SIGLEC1: variants seen among roughly 807,000 people sequenced by gnomAD.
SIGLEC1 encodes the protein sialic acid binding Ig like lectin 1, also known as sialoadhesin.
A neutral mutation model predicts 148.0 loss-of-function variants in SIGLEC1; 132 were observed. That is an observed-to-expected ratio of 0.89 (90% CI 0.77 to 1.03). The LOEUF is 1.03. SIGLEC1 is among the 50% of genes least tolerant of loss of function. The pLI is 0.00. For missense variants in SIGLEC1, 2,253 were observed against 2,271.4 expected (o/e 0.99, Z 0.16); for synonymous variants, 945 against 969.0 (o/e 0.98, Z 0.46).
rs2088777756 is a variant in SIGLEC1 at position 3,692,727 on chromosome 20, G to A, written c.3824C>T (p.Ala1275Val). The change falls in exon 16 of 22, where the codon GCC (alanine) becomes GTC (valine). Residue 1275 changes from alanine (A) to valine (V), a missense_variant. Physicochemically the swap from Ala to Val is moderately conservative, Grantham distance 64 (BLOSUM62 0). Transcript: ENST00000344754. The part of the protein sequence containing the change: ...LAPEAAVPEG[A>V]PITVTCADPA... ...GTCCGCACAGGTCACTGTGATGGGG[G>A]CACCTTCAGGCACGGCAGCCTCCGG... 6.2e-7 allele frequency: 1 copy of A among 1,612,072 alleles called. No homozygotes were observed. Among genetic ancestry groups the A allele is most frequent in the South Asian group, 1.1e-5 (1 of 91,074 alleles).
chr20:3,690,556 G>A (rs547895103), intron 18 of SIGLEC1, among the ~76,000 whole-genome samples: 18 of 152,372 alleles, frequency 1.2e-4, no homozygotes, highest in African/African-American at 3.6e-4. Flanking sequence ...AGCCAGGAGC[G>A]TGCAGTCATC....
intron 5 of SIGLEC1, 90 bp from the exon 6 acceptor site, chr20:3,703,541 C>T: frequency 6.8e-7 from 1 of 1,472,248 alleles, no homozygotes; most frequent in Admixed American, 2.3e-5. Context: ...CAATCAGCCT[C>T]AATCTCTGCA....
chr20:3,689,072 C>T, intron 21 of SIGLEC1, 83 bp downstream of exon 21: 1 of 1,228,876 alleles, frequency 8.1e-7, no homozygotes, highest in East Asian at 2.3e-5. Context: ...GCACCATCCT[C>T]TAAATGACAG....
At chr20:3,697,619 C>T (rs2087813820) in intron 9 of SIGLEC1, among the ~76,000 whole-genome samples, 179 bp downstream of exon 9, 1 of 152,086 alleles carries the variant, frequency 6.6e-6, no homozygotes, top group African/African-American at 2.4e-5. Flanking sequence ...GTTGCCTATC[C>T]CCGGCCTGAA....
At position 3,692,608 on chromosome 20, in the gene SIGLEC1, T is replaced by A; in HGVS notation, c.3943A>T (p.Thr1315Ser). 1 of 1,612,858 alleles carries A rather than the reference T, an allele frequency of 6.2e-7. No homozygotes were observed. Among genetic ancestry groups the A allele is most frequent in the South Asian group, 1.1e-5 (1 of 91,080 alleles). Residue 1315 changes from threonine (T) to serine (S), a missense_variant, in exon 16 of 22, where the codon ACG becomes TCG. Coordinates refer to ENST00000344754, the MANE Select transcript of SIGLEC1 (RefSeq NM_023068.4). ...PAASLSFLVA[T>S]RAHAGAYSCQ... ...GAGTAGGCGCCTGCATGAGCCCGCG[T>A]GGCCACCAGGAATGAGAGTGAGGCA...
At chr20:3,692,301 A>G (rs1206893239) in intron 16 of SIGLEC1, 99 bp from the exon 17 acceptor site, 25 of 1,293,792 alleles carry the variant, frequency 1.9e-5, no homozygotes, top group Non-Finnish European at 2.6e-5. Flanking sequence ...CCTCTGGACC[A>G]ATGGCCACTT....
intron 9 of SIGLEC1, 49 bp downstream of exon 9, chr20:3,697,749 C>T (rs150086862): frequency 1.9e-5 from 29 of 1,564,882 alleles, no homozygotes; most frequent in Non-Finnish European, 2.3e-5. Flanking sequence ...CAGAACAGTC[C>T]AGAGCTCCAG....
At chr20:3,706,147 G>C in intron 3 of SIGLEC1, 107 bp from the exon 4 acceptor site, 1 of 1,350,670 alleles carries the variant, frequency 7.4e-7, no homozygotes, top group South Asian at 1.4e-5. Context: ...GGCTTTTAGG[G>C]GAAGGAAAGA....
At position 3,692,091 on chromosome 20, in the gene SIGLEC1, T is replaced by A. The variant is rs779521351; in HGVS notation, c.4142A>T (p.His1381Leu). 7.5e-6 allele frequency: 12 copies of A among 1,609,336 alleles called. No individual in the cohort carries two copies. In the African/African-American group the frequency reaches 1.5e-4, roughly 20 times the overall value. Reference sequence around the variant, plus strand: ...GCTCGTGGCCAGCACCTTGCCATCATGAGATAGGGCCAGCTCAGCAGGTGG... The same window carrying A: ...GCTCGTGGCCAGCACCTTGCCATCAAGAGATAGGGCCAGCTCAGCAGGTGG... ...SEPPAELALS[H>L]DGKVLATSSG... Residue 1381 changes from histidine to leucine, a missense_variant, in exon 17 of 22, where the codon CAT becomes CTT. Transcript: ENST00000344754.
intron 13 of SIGLEC1, 93 bp from the exon 14 acceptor site, chr20:3,693,791 C>T (rs1166919112): frequency 1.2e-5 from 17 of 1,384,614 alleles, no homozygotes; most frequent in Non-Finnish European, 3.8e-6. Context: ...ACTCCTACTG[C>T]TGGGGAGCCC....
In SIGLEC1 at chr20:3,706,689, C is replaced by T. The variant is rs528905109; in HGVS notation, c.67G>A (p.Val23Ile). The T allele has an allele frequency of 6.1e-5, 94 of 1,547,712 alleles. No individual in the cohort carries two copies. The highest frequency in any genetic ancestry group is 9.5e-5 in the South Asian group (8 of 84,380). The change falls in exon 3 of 22, where the codon GTC (valine) becomes ATC (isoleucine). Residue 23 changes from valine to isoleucine, a missense_variant. Transcript: ENST00000344754. ...FFPAGQASWG[V>I]SSPQDVQGVK... Reference sequence around the variant, plus strand: ...CCCTGCACGTCCTGGGGACTGGAGACGCCCCATGAGGCCTGGCCTGGGGGA... The same window carrying T: ...CCCTGCACGTCCTGGGGACTGGAGATGCCCCATGAGGCCTGGCCTGGGGGA...
chr20:3,703,018 G>T, intron 6 of SIGLEC1, 179 bp downstream of exon 6: 1 of 602,666 alleles, frequency 1.7e-6, no homozygotes, highest in Non-Finnish European at 2.9e-6. Context: ...TATAAAATAG[G>T]AGGGAACTAG....
Position 3,701,408 on chromosome 20 carries a change from C to T in SIGLEC1, c.1462G>A (p.Glu488Lys). 6.2e-7 allele frequency: 1 copy of T among 1,614,190 alleles called. No individual in the cohort carries two copies. Among genetic ancestry groups the T allele is most frequent in the Non-Finnish European group, 8.5e-7 (1 of 1,180,026 alleles). ...GAGTTGGTGGCTGAGCACTTGTACT[C>T]CCCACTGTCAGTTTCCTCCAGGTCT... ...IRDLEETDSG[E>K]YKCSATNSLG... The change falls in exon 7 of 22, where the codon GAG becomes AAG. Residue 488 changes from glutamate to lysine, a missense_variant. Physicochemically the swap from Glu to Lys is moderately conservative, Grantham distance 56. Coordinates refer to ENST00000344754, the MANE Select transcript of SIGLEC1 (RefSeq NM_023068.4).
chr20:3,689,927 A>C, intron 19 of SIGLEC1, 35 bp downstream of exon 19: 1 of 1,564,782 alleles, frequency 6.4e-7, no homozygotes, highest in Non-Finnish European at 8.8e-7. Context: ...GCTTTTGTGC[A>C]GAGTGGCCTG....
chr20:3,692,416 C>A (rs1251936736), intron 16 of SIGLEC1, 105 bp downstream of exon 16: 7 of 1,348,180 alleles, frequency 5.2e-6, no homozygotes, highest in Non-Finnish European at 6.9e-6. Flanking sequence ...CCCCAACTGC[C>A]CATTCCTGGG....
chr20:3,697,050 T>G, intron 10 of SIGLEC1, 35 bp downstream of exon 10: 4 of 1,008,484 alleles, frequency 4.0e-6, no homozygotes, highest in Non-Finnish European at 5.4e-6. Flanking sequence ...CCCTCCACCC[T>G]CCAAGTCCCC....
rs1444269807 is a variant in SIGLEC1 at position 3,701,424 on chromosome 20, C to T, written c.1446G>A (p.Glu482=). The T allele has an allele frequency of 6.2e-7, 1 of 1,614,044 alleles. No homozygotes were observed. Among genetic ancestry groups the T allele is most frequent in the Non-Finnish European group, 8.5e-7 (1 of 1,180,046 alleles). ...NSLRLEIRDL[E]ETDSGEYKCS... Reference sequence around the variant, plus strand: ...ACTTGTACTCCCCACTGTCAGTTTCCTCCAGGTCTCGGATCTCCAGGCGCA... The same window carrying T: ...ACTTGTACTCCCCACTGTCAGTTTCTTCCAGGTCTCGGATCTCCAGGCGCA... Residue 482 remains glutamate (E), a synonymous_variant, in exon 7 of 22, where the codon GAG becomes GAA. Coordinates refer to ENST00000344754, the MANE Select transcript of SIGLEC1 (RefSeq NM_023068.4).
In SIGLEC1 at chr20:3,694,715, G is replaced by C. The variant is rs750532751; in HGVS notation, c.2892C>G (p.Ala964=). 3 of 1,613,856 alleles carry C rather than the reference G, an allele frequency of 1.9e-6. No homozygotes were observed. Among genetic ancestry groups the C allele is most frequent in the South Asian group, 1.1e-5 (1 of 91,086 alleles). ...CTAGGCTCGTGGTGGCTGAGCCTGGGGCCTGGGCTTGGCAATGATAGGCCC... is the reference window on the plus strand; with the variant it reads ...CTAGGCTCGTGGTGGCTGAGCCTGGCGCCTGGGCTTGGCAATGATAGGCCC... ...QAGAYHCQAQ[A]PGSATTSLAA... The change falls in exon 12 of 22, where the codon GCC becomes GCG. Residue 964 remains alanine, a synonymous_variant. Coordinates refer to ENST00000344754, the MANE Select transcript of SIGLEC1 (RefSeq NM_023068.4).
chr20:3,701,567 C>T lies in SIGLEC1; in HGVS notation c.1303G>A (p.Val435Met), dbSNP rs1432043900. The change falls in exon 7 of 22, where the codon GTG (valine) becomes ATG (methionine). Residue 435 changes from valine to methionine, a missense_variant. Transcript: ENST00000344754. ...AGLVGILHCS[V>M]VSEPLATLVL... ...AGTGTGGCCAGGGGCTCACTGACCA[C>T]AGAGCAGTGAAGGATGCCCACAAGT... 6.2e-7 allele frequency: 1 copy of T among 1,610,562 alleles called. No homozygotes were observed. The highest frequency in any genetic ancestry group is 8.5e-7 in the Non-Finnish European group (1 of 1,177,496).
Sources: gnomAD v4.1 joint callset for allele counts (sites outside exome capture counted in the v4.1 genomes callset) on GRCh38, gnomAD v4.1.1 for gene constraint, MANE v1.5 for transcripts, NCBI Gene and HGNC (gene_info 2026-07-23, HGNC 2026-07-21) for gene names.